KCNJ12: variants seen among roughly 807,000 people sequenced by gnomAD.
KCNJ12 encodes potassium inwardly rectifying channel subfamily J member 12, also known as ATP-sensitive inward rectifier potassium channel 12.
In KCNJ12, 2 loss-of-function variants were observed where a neutral mutation model predicts 22.3. The ratio of observed to expected loss-of-function variants is 0.09; its 90% CI spans 0.04 to 0.28. The LOEUF is 0.28. KCNJ12 is among the 10% of genes least tolerant of loss of function. The probability of loss-of-function intolerance (pLI) is 1.00; values close to 1 mark genes in which losing one functional copy is unlikely to be tolerated. For synonymous variants in KCNJ12, 117 were observed against 261.4 expected, an observed-to-expected ratio of 0.45 and a Z score of 5.33; for missense variants, 155 against 633.3, an observed-to-expected ratio of 0.24 and a Z score of 8.11.
intron 1 of KCNJ12, among the ~76,000 whole-genome samples, chr17:21,406,885 G>A (rs1385662166): frequency 2.0e-5 from 3 of 152,296 alleles, no homozygotes; most frequent in African/African-American, 7.2e-5. Context: ...GGCTCACCGT[G>A]GAGATCCTCA....
intron 2 of KCNJ12, among the ~76,000 whole-genome samples, chr17:21,409,100 C>T (rs1162311007): frequency 2.0e-5 from 3 of 152,282 alleles, no homozygotes; most frequent in African/African-American, 7.2e-5. Flanking sequence ...CTTTGCTATA[C>T]CTGCATCAGC....
chr17:21,391,809 C>G (rs1905217832), intron 1 of KCNJ12, among the ~76,000 whole-genome samples: 1 of 152,228 alleles, frequency 6.6e-6, no homozygotes, highest in Non-Finnish European at 1.5e-5. Flanking sequence ...CTGTGGTCCC[C>G]CCACCCCAGT....
chr17:21,384,697 C>T (rs1051657175), intron 1 of KCNJ12, among the ~76,000 whole-genome samples: 1 of 151,900 alleles, frequency 6.6e-6, no homozygotes, highest in Non-Finnish European at 1.5e-5. Context: ...CTTGTTCCCT[C>T]ACTGTCTTCA....
chr17:21,388,944 A>G (rs1905142163), intron 1 of KCNJ12, among the ~76,000 whole-genome samples: 1 of 152,186 alleles, frequency 6.6e-6, no homozygotes, highest in South Asian at 2.1e-4. Flanking sequence ...CTGGCTTGGA[A>G]TGGCAGCGCT....
At chr17:21,402,913 C>T in intron 1 of KCNJ12, among the ~76,000 whole-genome samples, 1 of 152,300 alleles carries the variant, frequency 6.6e-6, no homozygotes, top group African/African-American at 2.4e-5. Flanking sequence ...CTAGGCCCAG[C>T]TCTGGCTCAG....
chr17:21,403,140 A>C (rs113547678), intron 1 of KCNJ12, among the ~76,000 whole-genome samples: 1 of 152,306 alleles, frequency 6.6e-6, no homozygotes, highest in Non-Finnish European at 1.5e-5. Context: ...AGCTTGGAGG[A>C]TGCATTGCAT....
chr17:21,414,709 C>T (rs764111594), intron 2 of KCNJ12, among the ~76,000 whole-genome samples: 6 of 152,404 alleles, frequency 3.9e-5, no homozygotes, highest in African/African-American at 9.6e-5. Flanking sequence ...GGATGTCTTG[C>T]GGGAGGGTGT....
At chr17:21,384,085 C>T (rs527429153) in intron 1 of KCNJ12, among the ~76,000 whole-genome samples, 12 of 152,132 alleles carry the variant, frequency 7.9e-5, no homozygotes, top group South Asian at 2.1e-4. Flanking sequence ...CTTATGCAGA[C>T]GTGAATAAGT....
chr17:21,407,914 T>TCATC (rs1906068666), intron 1 of KCNJ12, among the ~76,000 whole-genome samples: 1 of 152,188 alleles, frequency 6.6e-6, no homozygotes, highest in African/African-American at 2.4e-5. Flanking sequence ...ATGTATTCAT[T>TCATC]CATCCATCTA....
chr17:21,388,990 C>A (rs1159897036), intron 1 of KCNJ12, among the ~76,000 whole-genome samples: 2 of 152,240 alleles, frequency 1.3e-5, no homozygotes, highest in African/African-American at 4.8e-5. Flanking sequence ...ACACGGGCTG[C>A]TCTCCCACCC....
intron 1 of KCNJ12, among the ~76,000 whole-genome samples, chr17:21,394,185 C>T (rs1176922239): frequency 6.6e-6 from 1 of 152,200 alleles, no homozygotes; most frequent in Non-Finnish European, 1.5e-5. Context: ...CCCATAAGAT[C>T]ATCAAGGGGC....
intron 1 of KCNJ12, among the ~76,000 whole-genome samples, chr17:21,401,592 T>C (rs1300691954): frequency 1.3e-5 from 2 of 152,222 alleles, no homozygotes; most frequent in African/African-American, 4.8e-5. Flanking sequence ...ATTTGACAAA[T>C]GGGGAAACTG....
At chr17:21,386,770 T>C (rs1344450012) in intron 1 of KCNJ12, among the ~76,000 whole-genome samples, 1 of 152,200 alleles carries the variant, frequency 6.6e-6, no homozygotes, top group Non-Finnish European at 1.5e-5. Flanking sequence ...CCTCCCAAAG[T>C]GCTAGGATTA....
At chr17:21,385,085 A>G (rs1212401083) in intron 1 of KCNJ12, among the ~76,000 whole-genome samples, 1 of 152,066 alleles carries the variant, frequency 6.6e-6, no homozygotes, top group Non-Finnish European at 1.5e-5. Flanking sequence ...CAGGAATGTC[A>G]CTTTGACCTG....
chr17:21,383,355 C>T (rs955874274), intron 1 of KCNJ12, among the ~76,000 whole-genome samples: 4 of 152,054 alleles, frequency 2.6e-5, no homozygotes, highest in African/African-American at 9.6e-5. Flanking sequence ...CTCGGGGCTC[C>T]TGGTTCCGGG....
At chr17:21,385,737 G>A (rs1275581854) in intron 1 of KCNJ12, among the ~76,000 whole-genome samples, 6 of 152,220 alleles carry the variant, frequency 3.9e-5, no homozygotes, top group African/African-American at 1.4e-4. Flanking sequence ...CCATCCCACG[G>A]TAGATGCCCT....
intron 1 of KCNJ12, among the ~76,000 whole-genome samples, chr17:21,401,369 CAG>C (rs1263980932): frequency 1.3e-5 from 2 of 152,256 alleles, no homozygotes; most frequent in African/African-American, 4.8e-5. Context: ...GGCCATAGAG[CAG>C]AGAGGATTTC....
At chr17:21,415,173 T>C (rs1355121943) in intron 2 of KCNJ12, 114 bp from the exon 3 acceptor site, 2 of 1,148,276 alleles carry the variant, frequency 1.7e-6, no homozygotes, top group East Asian at 2.6e-5. Context: ...CAGAGCACGA[T>C]CGTGGGTCAA....
intron 1 of KCNJ12, among the ~76,000 whole-genome samples, chr17:21,388,682 C>T (rs185706894): frequency 1.3e-5 from 2 of 152,346 alleles, no homozygotes; most frequent in East Asian, 3.9e-4. Flanking sequence ...GCTTACCCAG[C>T]GGCGGCTGGT....
Sources: allele counts gnomAD v4.1 joint callset (sites outside exome capture counted in the v4.1 genomes callset), GRCh38; gene constraint gnomAD v4.1.1; transcripts MANE v1.5; gene names NCBI Gene and HGNC (gene_info 2026-07-23, HGNC 2026-07-21).